Variants in CR1L observed in about 807,000 individuals in gnomAD.
CR1L encodes complement C3b/C4b receptor 1 like, also known as complement component receptor 1-like protein.
In CR1L, 59 loss-of-function variants were observed where a neutral mutation model predicts 62.3. The observed-to-expected ratio is 0.95, with a 90% CI of 0.77 to 1.18. The LOEUF (loss-of-function observed/expected upper bound fraction) is 1.18. Among genes scored for constraint, CR1L ranks in the 50% most tolerant of loss-of-function variants. CR1L has a pLI of 0.00. For synonymous variants in CR1L, 279 were observed against 248.7 expected (o/e 1.12, Z -1.15); for missense variants, 700 against 702.8 (o/e 1.00, Z 0.04).
At chr1:207,675,283 G>A (rs1235405367) in intron 1 of CR1L, among the ~76,000 whole-genome samples, 1 of 152,044 alleles carries the variant, frequency 6.6e-6, no homozygotes, top group Non-Finnish European at 1.5e-5. Context: ...TATAGGGTGG[G>A]GCAGAGGGAA....
intron 1 of CR1L, among the ~76,000 whole-genome samples, chr1:207,659,897 C>T (rs1216735053): frequency 6.6e-6 from 1 of 152,242 alleles, no homozygotes; most frequent in Non-Finnish European, 1.5e-5. Flanking sequence ...GCCTTGCTCG[C>T]TGCTAGTGCA....
At chr1:207,705,648 T>A (rs1019556383) in intron 9 of CR1L, among the ~76,000 whole-genome samples, 1 of 152,220 alleles carries the variant, frequency 6.6e-6, no homozygotes, top group Non-Finnish European at 1.5e-5. Context: ...CTTTTCTTTT[T>A]TGAGCATTTT....
In CR1L at chr1:207,701,525, C is replaced by T; in HGVS notation, c.1235C>T (p.Ser412Leu). Residue 412 changes from serine (S) to leucine (L), a missense_variant, in exon 9 of 12, where the codon TCA (serine) becomes TTA (leucine). Ser to Leu is a moderately radical substitution (Grantham distance 145). Transcript: ENST00000508064. ...NSSVPVCERK[S>L]CETPPVPVNG... ...AACATTTTCTTTCCCACAGGTAAAT[C>T]ATGTGAAACTCCTCCAGTTCCAGTG... 2 of 1,613,754 alleles carry T rather than the reference C, an allele frequency of 1.2e-6. No homozygotes were observed. The highest frequency in any genetic ancestry group is 1.7e-6 in the Non-Finnish European group (2 of 1,179,716).
intron 1 of CR1L, among the ~76,000 whole-genome samples, chr1:207,646,123 G>C (rs1238806857): frequency 6.6e-6 from 1 of 151,886 alleles, no homozygotes; most frequent in Non-Finnish European, 1.5e-5. Context: ...CTGCTTTTTT[G>C]GGGGGTGGGT....
chr1:207,648,424 C>G (rs1409585756), intron 1 of CR1L, among the ~76,000 whole-genome samples: 3 of 152,104 alleles, frequency 2.0e-5, no homozygotes, highest in East Asian at 1.9e-4. Context: ...AAAATGAGAA[C>G]TCACGATGCT....
chr1:207,693,108 A>G (rs563693430), intron 4 of CR1L, among the ~76,000 whole-genome samples: 52 of 152,194 alleles, frequency 3.4e-4, no homozygotes, highest in African/African-American at 1.2e-3. Flanking sequence ...CAATATTACT[A>G]TGTTGTGTCT....
intron 1 of CR1L, among the ~76,000 whole-genome samples, chr1:207,667,919 T>C (rs1663547636): frequency 6.6e-6 from 1 of 150,952 alleles, no homozygotes; most frequent in Non-Finnish European, 1.5e-5. Flanking sequence ...TAAAACAAAA[T>C]GCTCAACATT....
chr1:207,672,850 G>A (rs1663634504), intron 1 of CR1L, among the ~76,000 whole-genome samples: 1 of 152,016 alleles, frequency 6.6e-6, no homozygotes, highest in African/African-American at 2.4e-5. Context: ...ACATATGCTC[G>A]GATGAGTAGA....
intron 5 of CR1L, among the ~76,000 whole-genome samples, chr1:207,695,213 C>T (rs1664058430): frequency 6.6e-6 from 1 of 152,278 alleles, no homozygotes; most frequent in South Asian, 2.1e-4. Context: ...GCAACCGCCA[C>T]CTCCCTGGCT....
chr1:207,675,159 A>C (rs1279150378), intron 1 of CR1L, among the ~76,000 whole-genome samples: 1 of 152,208 alleles, frequency 6.6e-6, no homozygotes, highest in African/African-American at 2.4e-5. Flanking sequence ...ATACATATCT[A>C]ATATCTTTTG....
At chr1:207,667,008 T>G (rs1312528816) in intron 1 of CR1L, among the ~76,000 whole-genome samples, 2 of 152,218 alleles carry the variant, frequency 1.3e-5, no homozygotes, top group Non-Finnish European at 2.9e-5. Flanking sequence ...TCTTGTGCCT[T>G]TTTTGGAAGT....
intron 11 of CR1L, among the ~76,000 whole-genome samples, chr1:207,720,332 CAG>C (rs151318964): frequency 0.028 from 4,290 of 152,170 alleles, 211 homozygotes; most frequent in African/African-American, 0.096. Context: ...ACTATCGAAA[CAG>C]AAAAAATTAA....
chr1:207,702,335 C>A (rs1664206453), intron 9 of CR1L, among the ~76,000 whole-genome samples: 1 of 152,182 alleles, frequency 6.6e-6, no homozygotes, highest in South Asian at 2.1e-4. Flanking sequence ...AGACATTCCC[C>A]TTCTCTCTCC....
chr1:207,645,180 C>T lies in CR1L; in HGVS notation c.-54C>T. 1 of 1,582,022 alleles carries T rather than the reference C, an allele frequency of 6.3e-7. No homozygotes were observed. Among genetic ancestry groups the T allele is most frequent in the Non-Finnish European group, 8.7e-7 (1 of 1,155,340 alleles). The stretch of plus-strand genomic sequence containing the variant: ...AGAAGGGACTTCCCTGCTCGGCTGG[C>T]TTTCGGTTTCTCTGCTCACCTCCGG... On this transcript the variant is annotated 5_prime_UTR_variant, in exon 1 of 12. Transcript: ENST00000508064.
At chr1:207,667,407 ACT>A in intron 1 of CR1L, among the ~76,000 whole-genome samples, 1 of 152,002 alleles carries the variant, frequency 6.6e-6, no homozygotes, top group African/African-American at 2.4e-5. Context: ...TGGCAGCAAC[ACT>A]CTGAGCTCTG....
At chr1:207,713,537 C>T (rs1653873120) in intron 10 of CR1L, among the ~76,000 whole-genome samples, 1 of 152,240 alleles carries the variant, frequency 6.6e-6, no homozygotes, top group South Asian at 2.1e-4. Flanking sequence ...CTACTTGGCC[C>T]ACCCAGGCCG....
chr1:207,684,020 TA>T (rs1663850256), intron 4 of CR1L, 63 bp downstream of exon 4: 5 of 1,485,176 alleles, frequency 3.4e-6, no homozygotes, highest in Non-Finnish European at 4.6e-6. Flanking sequence ...TCTGGAATAA[TA>T]AAAATCTTAA....
intron 3 of CR1L, among the ~76,000 whole-genome samples, chr1:207,683,605 A>T (rs1286631213): frequency 1.3e-5 from 2 of 152,244 alleles, no homozygotes; most frequent in East Asian, 3.8e-4. Context: ...AATGAAATTT[A>T]TAGGAAAAAC....
intron 10 of CR1L, 67 bp from the exon 11 acceptor site, chr1:207,717,397 T>A (rs1654027845): frequency 1.3e-6 from 2 of 1,528,820 alleles, no homozygotes; most frequent in African/African-American, 1.4e-5. Flanking sequence ...CTGTCGCAGG[T>A]CACTAATATT....
Sources: gnomAD v4.1 joint callset for allele counts (sites outside exome capture counted in the v4.1 genomes callset) on GRCh38, gnomAD v4.1.1 for gene constraint, MANE v1.5 for transcripts, NCBI Gene and HGNC (gene_info 2026-07-23, HGNC 2026-07-21) for gene names.